The following NYX variants were observed in gnomAD, a reference collection of about 807,000 sequenced individuals.
NYX encodes the protein nyctalopin.
For missense variants in NYX, 481 were observed against 485.4 expected, an observed-to-expected ratio of 0.99 and a Z score of 0.09; for synonymous variants, 258 against 245.7, an observed-to-expected ratio of 1.05 and a Z score of -0.47.
Position 41,474,831 on chromosome X carries a change from T to C in NYX, c.1363T>C (p.Phe455Leu). 1 of 1,206,315 alleles carries C rather than the reference T, an allele frequency of 8.3e-7. No individual in the cohort carries two copies. Among genetic ancestry groups the C allele is most frequent in the East Asian group, 3.0e-5 (1 of 33,720 alleles). The change falls in exon 3 of 3, where the codon TTT (phenylalanine) becomes CTT (leucine). Residue 455 changes from phenylalanine (F) to leucine (L), a missense_variant. Physicochemically the swap from Phe to Leu is conservative, Grantham distance 22. Transcript: ENST00000378220. ...GGGAGGCGCGGGCCGGCAGCCCTGG[T>C]TTCTCCTCGCCTCTTGTCTCCTGCC... ...GVGGAGRQPW[F>L]LLASCLLPSV...
chrX:41,472,765 G>C (rs2064367043), intron 2 of NYX: 1 of 279,923 alleles, frequency 3.6e-6, no homozygotes, highest in African/African-American at 2.7e-5. Context: ...CTGCGCCACC[G>C]CCACCAACCC....
At chrX:41,449,842 A>T (rs1215250820) in intron 2 of NYX, among the ~76,000 whole-genome samples, 1 of 111,665 alleles carries the variant, frequency 9.0e-6, no homozygotes, top group Non-Finnish European at 1.9e-5. Context: ...CCATCTCCAC[A>T]TCCCCTGGCA....
chrX:41,456,056 G>A (rs1461589776), intron 2 of NYX, among the ~76,000 whole-genome samples: 1 of 111,835 alleles, frequency 8.9e-6, no homozygotes, highest in Non-Finnish European at 1.9e-5. Context: ...AGAGGTCACT[G>A]GCTGGGTGCG....
At chrX:41,453,459 CTTT>C (rs765178661) in intron 2 of NYX, among the ~76,000 whole-genome samples, 1 of 102,110 alleles carries the variant, frequency 9.8e-6, no homozygotes. Flanking sequence ...TCTTCTTCTT[CTTT>C]TTTTTTTTTT....
At chrX:41,464,032 C>A (rs1404519784) in intron 2 of NYX, among the ~76,000 whole-genome samples, 1 of 111,916 alleles carries the variant, frequency 8.9e-6, no homozygotes, top group Non-Finnish European at 1.9e-5. Flanking sequence ...ATTTTGTTTA[C>A]CTGAAAATAT....
intron 2 of NYX, chrX:41,472,794 T>C: frequency 5.0e-6 from 1 of 198,753 alleles, no homozygotes; most frequent in African/African-American, 2.9e-5. Context: ...CGGGCAAATT[T>C]ATTTATTTAT....
intron 2 of NYX, among the ~76,000 whole-genome samples, chrX:41,451,420 C>T (rs2064279519): frequency 8.9e-6 from 1 of 111,967 alleles, no homozygotes; most frequent in African/African-American, 3.2e-5. Context: ...GCACCTCTAT[C>T]CAGGGAAATA....
chrX:41,458,361 G>A (rs888959893), intron 2 of NYX, among the ~76,000 whole-genome samples: 11 of 112,155 alleles, frequency 9.8e-5, no homozygotes, highest in East Asian at 8.4e-4. Flanking sequence ...TCATTTAACC[G>A]TCCTGAACCT....
At position 41,465,814 on chromosome X, in the gene NYX, C is replaced by T. The variant is rs139886533; in HGVS notation, c.23-7677C>T. ...CTGGGATTACAGGCGTGAACCACCA[C>T]GCCCAGCTGGGACCTTGAACTCTTA... On this transcript the variant is annotated intron_variant, in intron 2 of 2. Transcript: ENST00000378220. Among the ~76,000 whole-genome samples the T allele has an allele frequency of 6.6e-3, 720 of 108,523 alleles. 5 individuals carry two copies. Among genetic ancestry groups the T allele is most frequent in the African/African-American group, 0.024 (702 of 29,790 alleles). The allele number at this position is 108,523 out of a possible 115,157, so 94.2% of individuals were successfully genotyped here.
intron 2 of NYX, among the ~76,000 whole-genome samples, chrX:41,457,417 C>T (rs113138113): frequency 1.5e-3 from 161 of 110,644 alleles, no homozygotes; most frequent in Non-Finnish European, 2.0e-3. Flanking sequence ...CCTTGGCAGA[C>T]GCAGAATCTG....
intron 2 of NYX, among the ~76,000 whole-genome samples, chrX:41,466,598 A>T (rs1456979073): frequency 9.9e-6 from 1 of 101,396 alleles, no homozygotes; most frequent in African/African-American, 3.6e-5. Flanking sequence ...TCGCTCTTGT[A>T]GCCCAGGCTG....
intron 2 of NYX, among the ~76,000 whole-genome samples, chrX:41,449,653 C>T (rs892981599): frequency 1.2e-4 from 13 of 110,955 alleles, no homozygotes; most frequent in Non-Finnish European, 1.9e-4. Flanking sequence ...TCATTTTAAA[C>T]GTGCACCAAA....
intron 2 of NYX, among the ~76,000 whole-genome samples, chrX:41,467,748 C>T (rs1287679179): frequency 9.0e-6 from 1 of 111,024 alleles, no homozygotes; most frequent in Non-Finnish European, 1.9e-5. Context: ...ATCTTGAACT[C>T]CTGGGCTCAA....
Position 41,473,699 on chromosome X carries a change from C to A in NYX, c.231C>A (p.Phe77Leu). 1 of 1,142,702 alleles carries A rather than the reference C, an allele frequency of 8.8e-7. No individual in the cohort carries two copies. The allele number at this position is 1,142,702 out of a possible 1,213,427, so 94.2% of individuals were successfully genotyped here. The change falls in exon 3 of 3, where the codon TTC (phenylalanine) becomes TTA (leucine). Residue 77 changes from phenylalanine to leucine, a missense_variant. By Grantham distance (22) the Phe-to-Leu change is conservative. Transcript: ENST00000378220. ...NGLRFLGERA[F>L]GTLPSLRRLS... is the part of the protein sequence containing the mutation. ...TGCGCTTCCTGGGCGAGCGAGCCTT[C>A]GGCACGCTGCCGTCCTTGCGCCGCC...
At chrX:41,451,025 G>C (rs1386752429) in intron 2 of NYX, among the ~76,000 whole-genome samples, 2 of 107,530 alleles carry the variant, frequency 1.9e-5, no homozygotes, top group Non-Finnish European at 3.8e-5. Flanking sequence ...GTTTTGCCAT[G>C]TTGGCCAGGC....
At position 41,474,100 on chromosome X, in the gene NYX, A is replaced by G. The variant is rs62637029; in HGVS notation, c.632A>G (p.Asn211Ser). Residue 211 changes from asparagine (N) to serine (S), a missense_variant, in exon 3 of 3, where the codon AAC becomes AGC. Physicochemically the swap from Asn to Ser is conservative, Grantham distance 46. Transcript: ENST00000378220. The part of the protein sequence containing the change: ...RRLRSLSLQA[N>S]RVRAVHAGAF... ...CTGCGCTCGCTCAGCCTGCAGGCCA[A>G]CCGCGTCCGTGCCGTGCACGCTGGC... 1 of 1,103,751 alleles carries G rather than the reference A, an allele frequency of 9.1e-7. No individual in the cohort carries two copies. Among genetic ancestry groups the G allele is most frequent in the Non-Finnish European group, 1.2e-6 (1 of 848,283 alleles). 91.0% of individuals were successfully genotyped at this position (1,103,751 alleles called of 1,213,427 possible).
Position 41,473,785 on chromosome X carries a change from G to T in NYX, c.317G>T (p.Arg106Leu), listed in dbSNP as rs774318588. Residue 106 changes from arginine to leucine, a missense_variant, in exon 3 of 3, where the codon CGC becomes CTC. Coordinates refer to ENST00000378220, the MANE Select transcript of NYX (RefSeq NM_001378477.3). ...ITPGAFKGLP[R>L]LAELRLAHNG... ...CCCGGCGCCTTCAAGGGCCTGCCGC[G>T]CCTGGCTGAGCTGCGCCTGGCGCAC... 2 of 1,136,524 alleles carry T rather than the reference G, an allele frequency of 1.8e-6. No individual in the cohort carries two copies. Among genetic ancestry groups the T allele is most frequent in the Admixed American group, 5.2e-5 (2 of 38,140 alleles). 93.7% of individuals were successfully genotyped at this position (1,136,524 alleles called of 1,213,427 possible).
rs187919932 is a variant in NYX at position 41,449,939 on chromosome X, A to G, written c.22+2013A>G. Among the ~76,000 whole-genome samples the G allele has an allele frequency of 7.2e-5, 8 of 111,636 alleles. No homozygotes were observed. The East Asian group carries it at 2.2e-3, about 31-fold the overall frequency. Reference sequence around the variant, plus strand: ...CAATACGGACAATATGTTCCCGAGAAGCAGGCAGGGATAGTGCTCTACCTC... The same window carrying G: ...CAATACGGACAATATGTTCCCGAGAGGCAGGCAGGGATAGTGCTCTACCTC... On this transcript the variant is annotated intron_variant, in intron 2 of 2. Transcript: ENST00000378220.
At position 41,475,201 on chromosome X, in the gene NYX, C is replaced by CCCCTT. The variant is rs2064386527; in HGVS notation, c.*306_*310dup. On this transcript the variant is annotated 3_prime_UTR_variant, in exon 3 of 3. Transcript: ENST00000378220. ...GGCTTCACATCCCTTCCCCTCCCCT[C>CCCCTT]CCCTTCCCCTCATCTTCCAGGCAAC... is the stretch of plus-strand genomic sequence containing the variant. 5.6e-6 allele frequency: 2 copies of CCCCTT among 360,048 alleles called. No individual in the cohort carries two copies. Among genetic ancestry groups the CCCCTT allele is most frequent in the Non-Finnish European group, 9.7e-6 (2 of 205,131 alleles). The allele number at this position is 360,048 out of a possible 1,213,427, so 29.7% of individuals were successfully genotyped here.
Sources: allele counts gnomAD v4.1 joint callset (sites outside exome capture counted in the v4.1 genomes callset), GRCh38; gene constraint gnomAD v4.1.1; transcripts MANE v1.5; gene names NCBI Gene and HGNC (gene_info 2026-07-23, HGNC 2026-07-21).